Variants in PRR11 observed in about 807,000 individuals in gnomAD.
The protein encoded by PRR11 is proline-rich protein 11.
A neutral mutation model predicts 45.6 loss-of-function variants in PRR11; 30 were observed. The ratio of observed to expected loss-of-function variants is 0.66; its 90% CI spans 0.49 to 0.89. The LOEUF is 0.89. PRR11 is among the 40% of genes least tolerant of loss of function. PRR11 has a pLI of 0.00. For missense variants in PRR11, 373 were observed against 424.8 expected, an observed-to-expected ratio of 0.88 and a Z score of 1.07; for synonymous variants, 128 against 153.5, an observed-to-expected ratio of 0.83 and a Z score of 1.23.
At chr17:59,157,376 G>A (rs2046630922) in intron 1 of PRR11, among the ~76,000 whole-genome samples, 1 of 152,126 alleles carries the variant, frequency 6.6e-6, no homozygotes, top group South Asian at 2.1e-4. Flanking sequence ...TGCTATAGAA[G>A]TGCAAAAGAG....
intron 1 of PRR11, among the ~76,000 whole-genome samples, chr17:59,158,409 G>A (rs926264980): frequency 6.6e-6 from 1 of 152,164 alleles, no homozygotes; most frequent in Non-Finnish European, 1.5e-5. Context: ...TCATAACAAG[G>A]TTAAATTTCC....
intron 2 of PRR11, among the ~76,000 whole-genome samples, chr17:59,174,831 C>G (rs754764866): frequency 2.6e-5 from 4 of 152,120 alleles, no homozygotes; most frequent in Non-Finnish European, 4.4e-5. Flanking sequence ...GGTTATAAGC[C>G]TGGATCTGGA....
intron 1 of PRR11, among the ~76,000 whole-genome samples, chr17:59,166,093 T>A (rs1169688549): frequency 6.6e-6 from 1 of 152,210 alleles, no homozygotes; most frequent in African/African-American, 2.4e-5. Context: ...CTGCAAATCA[T>A]GGAACCAAGC....
chr17:59,169,969 C>T (rs2046699361), intron 2 of PRR11, 89 bp downstream of exon 2: 16 of 1,450,598 alleles, frequency 1.1e-5, no homozygotes, highest in Non-Finnish European at 1.4e-5. Context: ...AAATAGAAGG[C>T]AGGCCGGGTG....
intron 4 of PRR11, among the ~76,000 whole-genome samples, chr17:59,191,209 TTTC>T (rs1463884218): frequency 9.2e-6 from 1 of 108,700 alleles, no homozygotes; most frequent in Non-Finnish European, 1.7e-5. Context: ...TCTTTCTTTT[TTTC>T]TTTTTTTCTT....
chr17:59,201,920 A>C lies in PRR11; in HGVS notation c.*289A>C. On this transcript the variant is annotated 3_prime_UTR_variant, in exon 10 of 10. Transcript: ENST00000262293. ...CAAGAGGCAGAGGTTGCAGTGAGCC[A>C]AGATCGCGTCATTGCACTCCAGCCT... The C allele has an allele frequency of 3.0e-6, 1 of 334,440 alleles. No individual in the cohort carries two copies. The highest frequency in any genetic ancestry group is 5.7e-6 in the Non-Finnish European group (1 of 174,982). 20.7% of individuals were successfully genotyped at this position (334,440 alleles called of 1,614,324 possible). A position where few individuals can be genotyped will look rare whatever the true frequency, so the allele number is the denominator to read the frequency against.
intron 2 of PRR11, chr17:59,178,341 AAAG>A (rs2046760615): frequency 2.5e-6 from 1 of 406,134 alleles, no homozygotes; most frequent in Non-Finnish European, 4.8e-6. Flanking sequence ...CACAAAAAGA[AAAG>A]AAGACTGTGG....
intron 7 of PRR11, among the ~76,000 whole-genome samples, chr17:59,196,027 G>T (rs1402542538): frequency 1.4e-5 from 2 of 147,676 alleles, no homozygotes; most frequent in African/African-American, 2.5e-5. Flanking sequence ...GATCAAGGCT[G>T]CAGTAAGAAG....
intron 4 of PRR11, among the ~76,000 whole-genome samples, chr17:59,188,799 G>A (rs1014996741): frequency 6.6e-6 from 1 of 151,876 alleles, no homozygotes; most frequent in African/African-American, 2.4e-5. Flanking sequence ...AATTAGCCTG[G>A]CATGGTGACA....
intron 2 of PRR11, among the ~76,000 whole-genome samples, chr17:59,172,318 T>C (rs1249716465): frequency 1.3e-5 from 2 of 152,210 alleles, no homozygotes; most frequent in Non-Finnish European, 2.9e-5. Flanking sequence ...GAAACACCCC[T>C]GGTTTCTCAC....
rs71367677 is a variant in PRR11, at chr17:59,204,395, C to CA, written c.*2788dup. The stretch of plus-strand genomic sequence containing the variant: ...TGGGCAACAGAGCCAGACCCTGCCT[C>CA]AAAAAAAAAAAAAAAAAAAAAAAAG... On this transcript the variant is annotated 3_prime_UTR_variant, in exon 10 of 10. Coordinates refer to ENST00000262293, the MANE Select transcript of PRR11 (RefSeq NM_018304.4). The CA allele has an allele frequency of 0.16, 7,626 of 48,178 alleles. 538 individuals are homozygous for CA. Among genetic ancestry groups the CA allele is most frequent in the South Asian group, 0.18 (205 of 1,114 alleles). 3.0% of individuals were successfully genotyped at this position (48,178 alleles called of 1,614,324 possible).
At chr17:59,188,716 A>G (rs1012383571) in intron 4 of PRR11, among the ~76,000 whole-genome samples, 5 of 151,994 alleles carry the variant, frequency 3.3e-5, no homozygotes, top group Admixed American at 6.6e-5. Flanking sequence ...AAGTGGATGG[A>G]TCACTTGAGG....
rs975728843 is a variant in PRR11 at position 59,197,922 on chromosome 17, T to C, written c.1014+133T>C. 4.2e-6 allele frequency: 3 copies of C among 720,486 alleles called. No individual in the cohort carries two copies. In the South Asian group the frequency reaches 5.4e-5, roughly 13 times the overall value. The allele number at this position is 720,486 out of a possible 1,614,324, so 44.6% of individuals were successfully genotyped here. ...ATTGCTTGAGCCTAGCAGTTCAAGATGGGCAACATGGTGAAACTCTGTCTC... is the reference window on the plus strand; with the variant it reads ...ATTGCTTGAGCCTAGCAGTTCAAGACGGGCAACATGGTGAAACTCTGTCTC... On this transcript the variant is annotated intron_variant, in intron 9 of 9. Coordinates refer to ENST00000262293, the MANE Select transcript of PRR11 (RefSeq NM_018304.4).
At chr17:59,178,606 A>G in intron 2 of PRR11, 1 of 522,076 alleles carries the variant, frequency 1.9e-6, no homozygotes, top group Non-Finnish European at 3.8e-6. Flanking sequence ...AGCAAGGAGA[A>G]GTGTGTCTCC....
intron 2 of PRR11, chr17:59,174,966 A>G (rs532762554): frequency 2.4e-6 from 2 of 837,738 alleles, no homozygotes; most frequent in South Asian, 1.4e-5. Flanking sequence ...TACCTCCTCC[A>G]ACTACTCCAG....
intron 2 of PRR11, chr17:59,177,040 A>G: frequency 2.3e-6 from 1 of 442,590 alleles, no homozygotes; most frequent in Middle Eastern, 8.4e-4. Context: ...AAGATAGTAT[A>G]ATCCTCTTTT....
chr17:59,196,952 C>T (rs2046868862), intron 7 of PRR11, among the ~76,000 whole-genome samples: 1 of 151,978 alleles, frequency 6.6e-6, no homozygotes, highest in South Asian at 2.1e-4. Context: ...CAGGTTCAAG[C>T]AATTCTCTGC....
At chr17:59,201,311 T>C (rs1235373681) in intron 9 of PRR11, among the ~76,000 whole-genome samples, 1 of 152,216 alleles carries the variant, frequency 6.6e-6, no homozygotes, top group Non-Finnish European at 1.5e-5. Flanking sequence ...AATGCCTACA[T>C]TTCCTGAAGC....
chr17:59,165,698 A>G (rs977848814), intron 1 of PRR11, among the ~76,000 whole-genome samples: 2 of 139,598 alleles, frequency 1.4e-5, no homozygotes, highest in African/African-American at 5.3e-5. Flanking sequence ...AGGCTGAGGC[A>G]GGAGAATCGC....
Sources: gnomAD v4.1 joint callset for allele counts (sites outside exome capture counted in the v4.1 genomes callset) on GRCh38, gnomAD v4.1.1 for gene constraint, MANE v1.5 for transcripts, NCBI Gene and HGNC (gene_info 2026-07-23, HGNC 2026-07-21) for gene names.